The following PDS5A variants were observed in gnomAD, a reference collection of about 807,000 sequenced individuals.
The protein encoded by PDS5A is sister chromatid cohesion protein PDS5 homolog A.
A neutral mutation model predicts 167.1 loss-of-function variants in PDS5A; 42 were observed. That is an observed-to-expected ratio of 0.25 (90% CI 0.20 to 0.33). The LOEUF is 0.33. PDS5A is among the 10% of genes least tolerant of loss of function. The probability of loss-of-function intolerance (pLI) is 1.00; values close to 1 mark genes in which losing one functional copy is unlikely to be tolerated. For synonymous variants in PDS5A, 553 were observed against 554.6 expected (o/e 1.00, Z 0.04); for missense variants, 1,033 against 1,605.9 (o/e 0.64, Z 6.10).
intron 2 of PDS5A, among the ~76,000 whole-genome samples, chr4:39,950,435 A>G (rs1728241438): frequency 6.6e-6 from 1 of 151,906 alleles, no homozygotes; most frequent in African/African-American, 2.4e-5. Flanking sequence ...TCTCAAAAAA[A>G]CAAGTTAGAA....
chr4:39,960,033 C>G (rs1729328934), intron 2 of PDS5A, among the ~76,000 whole-genome samples: 1 of 152,140 alleles, frequency 6.6e-6, no homozygotes, highest in African/African-American at 2.4e-5. Flanking sequence ...GTGGAGGTTG[C>G]AGTGAGCTGA....
At chr4:39,916,318 C>G (rs1724377802) in intron 8 of PDS5A, among the ~76,000 whole-genome samples, 1 of 152,020 alleles carries the variant, frequency 6.6e-6, no homozygotes. Context: ...GCTCAGTTGT[C>G]TATAAAAAAT....
chr4:39,929,292 G>A (rs1329409139), intron 2 of PDS5A, among the ~76,000 whole-genome samples: 1 of 151,794 alleles, frequency 6.6e-6, no homozygotes, highest in Non-Finnish European at 1.5e-5. Context: ...CTGTTAAGCT[G>A]GTGGGCACAA....
chr4:39,900,318 G>T, intron 14 of PDS5A, 108 bp downstream of exon 14: 2 of 673,892 alleles, frequency 3.0e-6, no homozygotes, highest in Non-Finnish European at 5.1e-6. Flanking sequence ...CTGACATTTG[G>T]AAAATAAAAC....
intron 2 of PDS5A, among the ~76,000 whole-genome samples, chr4:39,975,589 C>T (rs1296286821): frequency 2.6e-5 from 4 of 152,164 alleles, no homozygotes; most frequent in African/African-American, 7.2e-5. Context: ...ACGTCTTTCA[C>T]CTAGACTACT....
intron 2 of PDS5A, among the ~76,000 whole-genome samples, chr4:39,942,862 C>A (rs1050122806): frequency 4.6e-5 from 7 of 152,082 alleles, no homozygotes; most frequent in African/African-American, 1.7e-4. Flanking sequence ...CTAATCCCAG[C>A]ACTTTGGGAG....
intron 11 of PDS5A, among the ~76,000 whole-genome samples, chr4:39,905,309 G>A (rs1263041265): frequency 1.3e-5 from 2 of 152,164 alleles, no homozygotes; most frequent in African/African-American, 2.4e-5. Context: ...TGTAACCCTA[G>A]TACTTTGGGA....
intron 22 of PDS5A, among the ~76,000 whole-genome samples, chr4:39,867,328 G>A (rs536682289): frequency 6.6e-6 from 1 of 151,932 alleles, no homozygotes; most frequent in African/African-American, 2.4e-5. Context: ...CCAGAATTTA[G>A]GCTTCTCATA....
chr4:39,904,008 A>C, intron 12 of PDS5A, 32 bp downstream of exon 12: 1 of 1,391,854 alleles, frequency 7.2e-7, no homozygotes, highest in Non-Finnish European at 9.6e-7. Context: ...GTAGTTTTAC[A>C]CTCAACCATT....
chr4:39,917,666 CGAGG>C (rs1724516330), intron 7 of PDS5A, among the ~76,000 whole-genome samples: 1 of 152,014 alleles, frequency 6.6e-6, no homozygotes, highest in Admixed American at 6.6e-5. Context: ...CTTCCACCTC[CGAGG>C]TTCAAGCAAT....
intron 32 of PDS5A, 84 bp downstream of exon 32, chr4:39,837,772 G>T: frequency 2.0e-6 from 2 of 977,736 alleles, no homozygotes; most frequent in Non-Finnish European, 3.0e-6. Flanking sequence ...ATGCTTAGGT[G>T]TTTGGGGTGA....
chr4:39,909,556 G>A (rs752002620), intron 10 of PDS5A, among the ~76,000 whole-genome samples: 2 of 152,084 alleles, frequency 1.3e-5, no homozygotes, highest in Non-Finnish European at 2.9e-5. Context: ...AAATGCTTAT[G>A]GCAATTTAGC....
intron 30 of PDS5A, among the ~76,000 whole-genome samples, 196 bp downstream of exon 30, chr4:39,844,460 A>T (rs1182216166): frequency 6.9e-6 from 1 of 145,366 alleles, no homozygotes; most frequent in Non-Finnish European, 1.5e-5. Flanking sequence ...GGGCGGGGAC[A>T]AGAGCGAGAC....
Position 39,834,088 on chromosome 4 carries a change from G to C in PDS5A, c.4010+3768C>G, listed in dbSNP as rs190393985. 4.3e-3 allele frequency among the ~76,000 whole-genome samples: 654 copies of C among 151,962 alleles called. 6 individuals are homozygous for C. Among genetic ancestry groups the C allele is most frequent in the Non-Finnish European group, 4.6e-3 (314 of 67,960 alleles). Reference sequence around the variant, plus strand: ...GCAATTTAGCTGGGCACAGTGGCGCGTGCCTGTAGTCCCAGCTACCAGGGA... The same window carrying C: ...GCAATTTAGCTGGGCACAGTGGCGCCTGCCTGTAGTCCCAGCTACCAGGGA... On this transcript the variant is annotated intron_variant, in intron 32 of 32. Transcript: ENST00000303538.
intron 2 of PDS5A, among the ~76,000 whole-genome samples, chr4:39,952,853 G>A (rs1385335983): frequency 3.3e-5 from 5 of 150,706 alleles, no homozygotes; most frequent in Non-Finnish European, 7.4e-5. Flanking sequence ...CTCAGCCTCC[G>A]AAGTAGCTTG....
chr4:39,971,702 C>T (rs1730557541), intron 2 of PDS5A, among the ~76,000 whole-genome samples: 1 of 152,276 alleles, frequency 6.6e-6, no homozygotes, highest in Middle Eastern at 3.4e-3. Flanking sequence ...TCAAGAGATC[C>T]ACCTGCCTTG....
At position 39,844,635 on chromosome 4, in the gene PDS5A, A is replaced by G. The variant is rs990051170; in HGVS notation, c.3548+21T>C. On this transcript the variant is annotated intron_variant, in intron 30 of 32. Transcript: ENST00000303538. ...CCAAGTAGTGAGTGCTAGTAACAAAATAATTGGAGAGAAAAGTTGCCTTGA... is the reference window on the plus strand; with the variant it reads ...CCAAGTAGTGAGTGCTAGTAACAAAGTAATTGGAGAGAAAAGTTGCCTTGA... 6.3e-6 allele frequency: 10 copies of G among 1,595,476 alleles called. No individual in the cohort carries two copies. The Admixed American group carries it at 9.0e-5, about 14-fold the overall frequency.
Position 39,838,145 on chromosome 4 carries a change from C to T in PDS5A, c.3721G>A (p.Val1241Ile), listed in dbSNP as rs747694338. Residue 1241 changes from valine to isoleucine, a missense_variant, in exon 32 of 33, where the codon GTA (valine) becomes ATA (isoleucine). Around this residue, in one of 4 missense-constraint regions of PDS5A, gnomAD observed 233 missense variants for 264.0 expected, o/e 0.88. Transcript: ENST00000303538. ...ISSDRGKKRT[V>I]TAAGAENIQQ... The stretch of plus-strand genomic sequence containing the variant: ...ATATTCTCTGCACCAGCTGCTGTTA[C>T]TGTTCTTTTCTTTCCTCGGTCACTG... The T allele has an allele frequency of 1.2e-6, 2 of 1,613,474 alleles. No homozygotes were observed. The highest frequency in any genetic ancestry group is 1.7e-6 in the Non-Finnish European group (2 of 1,179,750).
At chr4:39,930,246 A>AAAATTTTTTTT in intron 2 of PDS5A, among the ~76,000 whole-genome samples, 6 of 93,088 alleles carry the variant, frequency 6.4e-5, no homozygotes, top group Non-Finnish European at 9.0e-5. Context: ...AAAAAAAAAA[A>AAAATTTTTTTT]GTTTTTTTGT....
Sources: allele counts gnomAD v4.1 joint callset (sites outside exome capture counted in the v4.1 genomes callset), GRCh38; gene constraint gnomAD v4.1.1; regional missense constraint gnomAD v4.1.1; transcripts MANE v1.5; gene names NCBI Gene and HGNC (gene_info 2026-07-23, HGNC 2026-07-21).